GPM6A: variants seen among roughly 807,000 people sequenced by gnomAD.
GPM6A encodes the protein neuronal membrane glycoprotein M6-a.
GPM6A carries 7 observed loss-of-function variants against 32.1 expected under a neutral mutation model. That is an observed-to-expected ratio of 0.22 (90% CI 0.12 to 0.41). The LOEUF is 0.41. GPM6A is among the 10% of genes least tolerant of loss of function. The pLI is 1.00. For synonymous variants in GPM6A, 130 were observed against 123.4 expected (o/e 1.05, Z -0.35); for missense variants, 235 against 347.2 (o/e 0.68, Z 2.57).
At chr4:176,002,138 GA>G in intron 1 of GPM6A, among the ~76,000 whole-genome samples, 1 of 142,746 alleles carries the variant, frequency 7.0e-6, no homozygotes, top group East Asian at 2.5e-4. Context: ...CTCTCTCCCA[GA>G]AAAAAAAGTC....
chr4:175,737,470 G>A (rs1262715682), intron 1 of GPM6A, among the ~76,000 whole-genome samples: 9 of 150,152 alleles, frequency 6.0e-5, no homozygotes, highest in Admixed American at 2.7e-4. Flanking sequence ...TTGTGCCATT[G>A]CACTCCAGTC....
At chr4:175,921,061 T>C (rs1011688062) in intron 1 of GPM6A, among the ~76,000 whole-genome samples, 4 of 146,584 alleles carry the variant, frequency 2.7e-5, no homozygotes, top group African/African-American at 7.9e-5. Flanking sequence ...ATTAGGATTA[T>C]CTTTAACCAA....
At chr4:175,746,410 A>G (rs553333696) in intron 1 of GPM6A, among the ~76,000 whole-genome samples, 6 of 152,294 alleles carry the variant, frequency 3.9e-5, no homozygotes, top group Admixed American at 3.3e-4. Flanking sequence ...CTGTATATAA[A>G]TGTACAAAAT....
chr4:175,634,840 A>G lies in GPM6A; in HGVS notation c.*65T>C. On this transcript the variant is annotated 3_prime_UTR_variant, in exon 7 of 7. Coordinates refer to ENST00000393658, the MANE Select transcript of GPM6A (RefSeq NM_201591.3). Reference sequence around the variant, plus strand: ...TTTCGTTTTGTTTTTTAAAGGTTGGATGGTTGGATGGCCCTTAGTTAAACA... The same window carrying G: ...TTTCGTTTTGTTTTTTAAAGGTTGGGTGGTTGGATGGCCCTTAGTTAAACA... The G allele has an allele frequency of 1.5e-6, 2 of 1,368,474 alleles. No homozygotes were observed. The highest frequency in any genetic ancestry group is 2.1e-6 in the Non-Finnish European group (2 of 972,444). 84.8% of individuals were successfully genotyped at this position (1,368,474 alleles called of 1,614,324 possible).
intron 1 of GPM6A, among the ~76,000 whole-genome samples, chr4:175,736,863 C>T (rs577501504): frequency 7.9e-5 from 12 of 152,286 alleles, no homozygotes; most frequent in African/African-American, 2.6e-4. Flanking sequence ...ATTTCTATCA[C>T]GTAATGACAT....
intron 1 of GPM6A, among the ~76,000 whole-genome samples, chr4:175,713,368 A>C (rs1330958627): frequency 1.3e-5 from 2 of 151,958 alleles, no homozygotes; most frequent in East Asian, 3.9e-4. Context: ...ACACCTGGCT[A>C]ATTTAGTAGA....
chr4:175,952,211 G>C (rs1384432526), intron 1 of GPM6A, among the ~76,000 whole-genome samples: 1 of 152,152 alleles, frequency 6.6e-6, no homozygotes, highest in Admixed American at 6.5e-5. Flanking sequence ...TCAAAAATCT[G>C]TTTGACTCTT....
At chr4:175,781,595 A>G (rs1455348802) in intron 1 of GPM6A, among the ~76,000 whole-genome samples, 3 of 152,116 alleles carry the variant, frequency 2.0e-5, no homozygotes, top group Non-Finnish European at 4.4e-5. Context: ...TTCGGTCATT[A>G]CCTCAATGCT....
chr4:175,756,381 T>C (rs1016023410), intron 1 of GPM6A, among the ~76,000 whole-genome samples: 2 of 152,142 alleles, frequency 1.3e-5, no homozygotes, highest in East Asian at 1.9e-4. Context: ...AGTTGAGTTA[T>C]GGCTGTAGCA....
At chr4:175,962,024 C>T (rs146989777) in intron 1 of GPM6A, 16 of 614,508 alleles carry the variant, frequency 2.6e-5, no homozygotes, top group East Asian at 2.0e-4. Context: ...AAAATGTTCA[C>T]GTCTCAGGCC....
At chr4:175,756,802 G>C (rs1732545208) in intron 1 of GPM6A, among the ~76,000 whole-genome samples, 1 of 152,040 alleles carries the variant, frequency 6.6e-6, no homozygotes, top group Non-Finnish European at 1.5e-5. Context: ...TAGGTGATAA[G>C]CAATAGAAGG....
At chr4:175,778,627 C>CAAAAAAAAAAAAAAAAAAAAAAACAAA (rs34286041) in intron 1 of GPM6A, among the ~76,000 whole-genome samples, 1 of 75,202 alleles carries the variant, frequency 1.3e-5, no homozygotes, top group Non-Finnish European at 2.4e-5. Context: ...CTGTATCCAA[C>CAAAAAAAAAAAAAAAAAAAAAAACAAA]AAAAAAAAAA....
chr4:175,637,692 AATATATT>A (rs1342030112), intron 6 of GPM6A, among the ~76,000 whole-genome samples: 67 of 80,892 alleles, frequency 8.3e-4, no homozygotes, highest in East Asian at 5.1e-3. Context: ...TATAATATAT[AATATATT>A]ATATATTATA....
chr4:175,991,579 A>G (rs1313701727), intron 1 of GPM6A, among the ~76,000 whole-genome samples: 1 of 152,190 alleles, frequency 6.6e-6, no homozygotes, highest in African/African-American at 2.4e-5. Flanking sequence ...ATGGAAATAC[A>G]TAGTTGACTT....
At chr4:175,737,908 G>A (rs1475550732) in intron 1 of GPM6A, among the ~76,000 whole-genome samples, 1 of 151,610 alleles carries the variant, frequency 6.6e-6, no homozygotes, top group Non-Finnish European at 1.5e-5. Flanking sequence ...TCCATGAGAT[G>A]AGGGCATCTA....
At chr4:175,797,762 G>T (rs893541070) in intron 1 of GPM6A, among the ~76,000 whole-genome samples, 1 of 152,118 alleles carries the variant, frequency 6.6e-6, no homozygotes, top group Non-Finnish European at 1.5e-5. Flanking sequence ...AATTATAGCG[G>T]TGTTGTCCAG....
intron 3 of GPM6A, among the ~76,000 whole-genome samples, chr4:175,665,313 T>C (rs1220582339): frequency 6.6e-6 from 1 of 152,168 alleles, no homozygotes; most frequent in Non-Finnish European, 1.5e-5. Flanking sequence ...ATTCTGACTA[T>C]ACTAGGGACT....
intron 4 of GPM6A, chr4:175,642,171 C>G (rs902747970): frequency 6.6e-6 from 1 of 152,104 alleles, no homozygotes; most frequent in African/African-American, 2.4e-5. Context: ...CTCTCTACAG[C>G]CTTTCCTTTC....
At chr4:175,984,915 C>T (rs555052080) in intron 1 of GPM6A, among the ~76,000 whole-genome samples, 75 of 152,232 alleles carry the variant, frequency 4.9e-4, no homozygotes, top group African/African-American at 1.5e-3. Context: ...ATCAAGGACA[C>T]AGAAAGCTGA....
Sources: allele counts gnomAD v4.1 joint callset (sites outside exome capture counted in the v4.1 genomes callset), GRCh38; gene constraint gnomAD v4.1.1; transcripts MANE v1.5; gene names NCBI Gene and HGNC (gene_info 2026-07-23, HGNC 2026-07-21).